The following PLCE1 variants were observed in gnomAD, a reference collection of about 807,000 sequenced individuals.
PLCE1 encodes the protein phospholipase C epsilon 1.
A neutral mutation model predicts 242.8 loss-of-function variants in PLCE1; 119 were observed. That is an observed-to-expected ratio of 0.49 (90% confidence interval 0.42 to 0.57). The LOEUF is 0.57. Among genes scored for constraint, PLCE1 ranks in the 20% least tolerant of loss-of-function variants. PLCE1 has a pLI of 0.00. For synonymous variants in PLCE1, 945 were observed against 1,017.4 expected (o/e 0.93, Z 1.35); for missense variants, 2,441 against 2,788.8 (o/e 0.88, Z 2.81).
chr10:94,177,687 C>A (rs1043281038), intron 4 of PLCE1, among the ~76,000 whole-genome samples: 1 of 152,200 alleles, frequency 6.6e-6, no homozygotes, highest in Non-Finnish European at 1.5e-5. Flanking sequence ...CTTCCTGCAT[C>A]TAGCTTATAC....
At chr10:94,171,087 G>T in intron 3 of PLCE1, 93 bp from the exon 4 acceptor site, 1 of 1,071,338 alleles carries the variant, frequency 9.3e-7, no homozygotes, top group Non-Finnish European at 1.4e-6. Context: ...TTTGGTTAAA[G>T]AACATACAAG....
At position 94,236,214 on chromosome 10, in the gene PLCE1, C is replaced by T. The variant is rs972560922; in HGVS notation, c.2420+94C>T. 5 of 1,026,574 alleles carry T rather than the reference C, an allele frequency of 4.9e-6. No individual in the cohort carries two copies. In the Admixed American group the frequency reaches 8.0e-5, roughly 16 times the overall value. The allele number at this position is 1,026,574 out of a possible 1,614,324, so 63.6% of individuals were successfully genotyped here. On this transcript the variant is annotated intron_variant, in intron 7 of 32. Coordinates refer to ENST00000371380, the MANE Select transcript of PLCE1 (RefSeq NM_016341.4). The stretch of plus-strand genomic sequence containing the variant: ...ACTTCAGCTTAGTTTCAGATGGACA[C>T]CTCATCAAAACCTGCCACTTTTATC...
chr10:94,051,339 G>A (rs563942001), intron 2 of PLCE1, among the ~76,000 whole-genome samples: 1 of 140,412 alleles, frequency 7.1e-6, no homozygotes, highest in South Asian at 2.3e-4. Flanking sequence ...TAGAAGAAAT[G>A]GAAATTGCAG....
Position 94,298,297 on chromosome 10 carries a change from C to A in PLCE1, c.5168-82C>A. On this transcript the variant is annotated intron_variant, in intron 23 of 32. Transcript: ENST00000371380. This position sits in a 1 kb window ranked among gnomAD's most constrained non-coding sequence, Gnocchi z 5.2. ...GTGGTTTATATGCTATGACTGTTTA[C>A]TGGGATGTTGTTCAGGTTTATCTTT... The A allele has an allele frequency of 1.6e-6, 2 of 1,264,526 alleles. No individual in the cohort carries two copies. Among genetic ancestry groups the A allele is most frequent in the Non-Finnish European group, 1.2e-6 (1 of 866,714 alleles). The allele number at this position is 1,264,526 out of a possible 1,614,324, so 78.3% of individuals were successfully genotyped here. A position where few individuals can be genotyped will look rare whatever the true frequency, so the allele number is the denominator to read the frequency against.
chr10:94,060,973 A>G (rs2044039909), intron 2 of PLCE1, among the ~76,000 whole-genome samples: 2 of 152,240 alleles, frequency 1.3e-5, no homozygotes, highest in Admixed American at 1.3e-4. Flanking sequence ...TGCTGGGATT[A>G]CAGGTGTGAG....
intron 3 of PLCE1, among the ~76,000 whole-genome samples, chr10:94,160,455 T>C (rs956315095): frequency 6.2e-4 from 95 of 152,378 alleles, no homozygotes; most frequent in African/African-American, 2.3e-3. Context: ...TGCCCACTTT[T>C]TGATGGGGTT....
chr10:94,179,601 G>A (rs1314296258), intron 4 of PLCE1, among the ~76,000 whole-genome samples: 3 of 141,986 alleles, frequency 2.1e-5, no homozygotes, highest in Non-Finnish European at 4.5e-5. Context: ...AGCCTCTCAG[G>A]CTCAAGCGAT....
intron 2 of PLCE1, among the ~76,000 whole-genome samples, chr10:94,067,151 G>A (rs139590390): frequency 5.1e-4 from 78 of 152,230 alleles, no homozygotes; most frequent in South Asian, 4.2e-3. Context: ...TGTTACCTCA[G>A]ATATTCTCTC....
At chr10:94,044,423 A>T (rs2061837970) in intron 2 of PLCE1, among the ~76,000 whole-genome samples, 1 of 152,224 alleles carries the variant, frequency 6.6e-6, no homozygotes, top group South Asian at 2.1e-4. Context: ...AAAGGACAGG[A>T]TTGGTTTTAT....
intron 4 of PLCE1, among the ~76,000 whole-genome samples, chr10:94,219,364 A>G (rs938997347): frequency 2.6e-5 from 4 of 152,218 alleles, no homozygotes; most frequent in South Asian, 2.1e-4. Flanking sequence ...GAACCCACCA[A>G]TGTTTTTAAA....
At chr10:94,167,173 C>T (rs982710399) in intron 3 of PLCE1, among the ~76,000 whole-genome samples, 1 of 152,178 alleles carries the variant, frequency 6.6e-6, no homozygotes, top group Admixed American at 6.5e-5. Context: ...CGCCTGTAAT[C>T]CCAGCTACTT....
At chr10:94,287,712 G>T (rs2052506116) in intron 22 of PLCE1, among the ~76,000 whole-genome samples, 1 of 150,750 alleles carries the variant, frequency 6.6e-6, no homozygotes, top group African/African-American at 2.4e-5. Flanking sequence ...ATTGTCCTGG[G>T]TTTTTTTCTC....
chr10:94,251,629 C>A (rs1403840663), intron 8 of PLCE1, among the ~76,000 whole-genome samples: 1 of 152,174 alleles, frequency 6.6e-6, no homozygotes, highest in Non-Finnish European at 1.5e-5. Context: ...CTGTTACTTA[C>A]AGGATGCTAC....
In PLCE1 at chr10:94,254,997, A is replaced by T. The variant is rs1178176115; in HGVS notation, c.3502A>T (p.Ile1168Phe). Reference sequence around the variant, plus strand: ...CTTGGCTGCCGGGACGTCATCTCCCATCAGGCCAGTGTCCTCCCCTGTGCT... The same window carrying T: ...CTTGGCTGCCGGGACGTCATCTCCCTTCAGGCCAGTGTCCTCCCCTGTGCT... ...PNLAAGTSSP[I>F]RPVSSPVLSS... Residue 1168 changes from isoleucine (I) to phenylalanine (F), a missense_variant, in exon 11 of 33, where the codon ATC becomes TTC. Physicochemically the swap from Ile to Phe is conservative, Grantham distance 21. This residue lies in a region of PLCE1 where 1,004 missense variants were observed against 1,322.7 expected (regional missense o/e 0.76). Transcript: ENST00000371380. The T allele has an allele frequency of 6.2e-7, 1 of 1,614,150 alleles. No homozygotes were observed. The highest frequency in any genetic ancestry group is 1.1e-5 in the South Asian group (1 of 91,082).
chr10:94,195,694 A>G, intron 4 of PLCE1, among the ~76,000 whole-genome samples: 1 of 152,208 alleles, frequency 6.6e-6, no homozygotes, highest in East Asian at 1.9e-4. Flanking sequence ...TGCTTGCAAT[A>G]GTTTTAGGAC....
chr10:94,136,678 G>C (rs2046784599), intron 3 of PLCE1, among the ~76,000 whole-genome samples: 1 of 152,202 alleles, frequency 6.6e-6, no homozygotes, highest in South Asian at 2.1e-4. Flanking sequence ...TGATACAGAA[G>C]GCCAATAATC....
At chr10:94,102,081 G>A (rs1193731269) in intron 2 of PLCE1, among the ~76,000 whole-genome samples, 1 of 152,218 alleles carries the variant, frequency 6.6e-6, no homozygotes, top group African/African-American at 2.4e-5. Flanking sequence ...TATAACATGA[G>A]CCAGATGCAT....
intron 4 of PLCE1, among the ~76,000 whole-genome samples, chr10:94,179,346 C>T (rs1019041736): frequency 6.6e-6 from 1 of 152,040 alleles, no homozygotes; most frequent in Non-Finnish European, 1.5e-5. Flanking sequence ...TTTCCTCACC[C>T]AGAGTAACAC....
intron 13 of PLCE1, among the ~76,000 whole-genome samples, chr10:94,262,112 T>G (rs1433447243): frequency 6.6e-6 from 1 of 151,874 alleles, no homozygotes; most frequent in Non-Finnish European, 1.5e-5. Flanking sequence ...GCAACTCTTA[T>G]GCCTCAGCCT....
Sources: gnomAD v4.1 joint callset for allele counts (sites outside exome capture counted in the v4.1 genomes callset) on GRCh38, gnomAD v4.1.1 for gene constraint, gnomAD v4.1.1 regional missense constraint, Gnocchi (gnomAD v3.1) non-coding constraint, MANE v1.5 for transcripts, NCBI Gene and HGNC (gene_info 2026-07-23, HGNC 2026-07-21) for gene names.